Variants in KCTD7 observed in about 807,000 individuals in gnomAD.
KCTD7 encodes the protein BTB/POZ domain-containing protein KCTD7.
In KCTD7, 15 loss-of-function variants were observed where a neutral mutation model predicts 27.0. That is an observed-to-expected ratio of 0.56 (90% confidence interval 0.37 to 0.86). The LOEUF (loss-of-function observed/expected upper bound fraction) is 0.86, where lower values mean the gene tolerates loss of function less well. KCTD7 is among the 40% of genes least tolerant of loss of function. KCTD7 has a pLI of 0.00. For synonymous variants in KCTD7, 159 were observed against 162.7 expected (o/e 0.98, Z 0.17); for missense variants, 299 against 398.9 (o/e 0.75, Z 2.13).
At position 66,640,685 on chromosome 7, in the gene KCTD7, C is replaced by A. The variant is rs1786695130; in HGVS notation, c.*1453C>A. On this transcript the variant is annotated 3_prime_UTR_variant, in exon 4 of 4. Coordinates refer to ENST00000639828, the MANE Select transcript of KCTD7 (RefSeq NM_153033.5). ...GCTACTTGGGCACACGCCTGTAGTCCAGGCCACTCGAGCACACACCTGTAG... is the reference window on the plus strand; with the variant it reads ...GCTACTTGGGCACACGCCTGTAGTCAAGGCCACTCGAGCACACACCTGTAG... 1 of 1,271,418 alleles carries A rather than the reference C, an allele frequency of 7.9e-7. No homozygotes were observed. Among genetic ancestry groups the A allele is most frequent in the East Asian group, 3.6e-5 (1 of 27,832 alleles). The allele number at this position is 1,271,418 out of a possible 1,614,324, so 78.8% of individuals were successfully genotyped here.
At chr7:66,634,007 TTTTA>T (rs953301137) in intron 2 of KCTD7, among the ~76,000 whole-genome samples, 73 of 151,172 alleles carry the variant, frequency 4.8e-4, no homozygotes, top group African/African-American at 1.6e-3. Context: ...AAAATTTCAT[TTTTA>T]TTTATTTATT....
intron 1 of KCTD7, among the ~76,000 whole-genome samples, chr7:66,629,443 C>G (rs1260757813): frequency 6.6e-6 from 1 of 151,988 alleles, no homozygotes; most frequent in Non-Finnish European, 1.5e-5. Flanking sequence ...CCTACACCCT[C>G]CGCCCAGTAG....
At position 66,641,387 on chromosome 7, in the gene KCTD7, C is replaced by T. The variant is rs2116779646; in HGVS notation, c.*2155C>T. Reference sequence around the variant, plus strand: ...AGCCCATTGCTTTCAGTAATGTGGCCTTGACCCCTTCTGCTTCCCCCTTCT... The same window carrying T: ...AGCCCATTGCTTTCAGTAATGTGGCTTTGACCCCTTCTGCTTCCCCCTTCT... On this transcript the variant is annotated 3_prime_UTR_variant, in exon 4 of 4. Transcript: ENST00000639828. 3.0e-6 allele frequency: 3 copies of T among 985,394 alleles called. No individual in the cohort carries two copies. The highest frequency in any genetic ancestry group is 1.1e-4 in the East Asian group (1 of 8,814). The allele number at this position is 985,394 out of a possible 1,614,324, so 61.0% of individuals were successfully genotyped here. A position where few individuals can be genotyped will look rare whatever the true frequency, so the allele number is the denominator to read the frequency against.
rs1374175994 is a variant in KCTD7, at chr7:66,639,166, C to G, written c.804C>G (p.Asp268Glu). The G allele has an allele frequency of 2.5e-6, 4 of 1,614,110 alleles. No homozygotes were observed. The highest frequency in any genetic ancestry group is 3.4e-6 in the Non-Finnish European group (4 of 1,180,044). ...TVDHQCIGVC[D>E]KHLVNHYYCK... is the part of the protein sequence containing the mutation. ...ACCACCAGTGCATCGGGGTGTGTGACAAGCACCTCGTGAACCACTACTACT... is the reference window on the plus strand; with the variant it reads ...ACCACCAGTGCATCGGGGTGTGTGAGAAGCACCTCGTGAACCACTACTACT... The change falls in exon 4 of 4, where the codon GAC (aspartate) becomes GAG (glutamate). Residue 268 changes from aspartate (D) to glutamate (E), a missense_variant. Physicochemically the swap from Asp to Glu is conservative, Grantham distance 45. Coordinates refer to ENST00000639828, the MANE Select transcript of KCTD7 (RefSeq NM_153033.5).
intron 1 of KCTD7, among the ~76,000 whole-genome samples, chr7:66,631,492 C>G (rs1035969615): frequency 5.3e-5 from 8 of 151,726 alleles, no homozygotes; most frequent in Middle Eastern, 3.4e-3. Context: ...TCTCTTGAAC[C>G]CGGGAGGCAG....
chr7:66,637,305 T>TA (rs1786610190), intron 2 of KCTD7, among the ~76,000 whole-genome samples: 1 of 152,126 alleles, frequency 6.6e-6, no homozygotes, highest in Non-Finnish European at 1.5e-5. Flanking sequence ...AGGCTGGTCT[T>TA]AAACTCCTGA....
In KCTD7 at chr7:66,642,517, G is replaced by C; in HGVS notation, c.*3285G>C. The C allele has an allele frequency of 1.0e-6, 1 of 985,420 alleles. No individual in the cohort carries two copies. Among genetic ancestry groups the C allele is most frequent in the South Asian group, 4.7e-5 (1 of 21,284 alleles). 61.0% of individuals were successfully genotyped at this position (985,420 alleles called of 1,614,324 possible). A position where few individuals can be genotyped will look rare whatever the true frequency, so the allele number is the denominator to read the frequency against. Reference sequence around the variant, plus strand: ...TTGGTCTAAACCAGCTCTTGAACAGGTTAAAGCAAACAGCAATAACAAAAC... The same window carrying C: ...TTGGTCTAAACCAGCTCTTGAACAGCTTAAAGCAAACAGCAATAACAAAAC... On this transcript the variant is annotated 3_prime_UTR_variant, in exon 4 of 4. Coordinates refer to ENST00000639828, the MANE Select transcript of KCTD7 (RefSeq NM_153033.5).
At position 66,640,420 on chromosome 7, in the gene KCTD7, G is replaced by T; in HGVS notation, c.*1188G>T. 1 of 1,537,240 alleles carries T rather than the reference G, an allele frequency of 6.5e-7. No individual in the cohort carries two copies. Among genetic ancestry groups the T allele is most frequent in the Admixed American group, 2.0e-5 (1 of 51,004 alleles). On this transcript the variant is annotated 3_prime_UTR_variant, in exon 4 of 4. Transcript: ENST00000639828. ...AATTGAAAAAGATCCCCAAGGATCT[G>T]TTACTACTGCATTTCCTTCTTGCTC...
rs1455454574 is a variant in KCTD7 at position 66,640,518 on chromosome 7, G to C, written c.*1286G>C. ...AAAGGAAGAACTGTGTAGCACCATTGATCACAATGTAACATTTCCATGCTG... is the reference window on the plus strand; with the variant it reads ...AAAGGAAGAACTGTGTAGCACCATTCATCACAATGTAACATTTCCATGCTG... On this transcript the variant is annotated 3_prime_UTR_variant, in exon 4 of 4. Transcript: ENST00000639828. 6.6e-7 allele frequency: 1 copy of C among 1,510,788 alleles called. No homozygotes were observed. The highest frequency in any genetic ancestry group is 8.8e-7 in the Non-Finnish European group (1 of 1,134,608). 93.6% of individuals were successfully genotyped at this position (1,510,788 alleles called of 1,614,324 possible).
At position 66,638,926 on chromosome 7, in the gene KCTD7, C is replaced by G. The variant is rs769365291; in HGVS notation, c.564C>G (p.Leu188=). 1 of 1,614,180 alleles carries G rather than the reference C, an allele frequency of 6.2e-7. No homozygotes were observed. The highest frequency in any genetic ancestry group is 2.2e-5 in the East Asian group (1 of 44,886). ...AGCGGAAGGCCCGCTTTGCCAAGCT[C>G]AAGGTCTGTGTCTTCAAGGAGGAGA... ...AVQRKARFAK[L]KVCVFKEEMP... Residue 188 remains leucine (L), a synonymous_variant, in exon 4 of 4, where the codon CTC becomes CTG. Transcript: ENST00000639828.
Position 66,638,603 on chromosome 7 carries a change from C to T in KCTD7, c.493+172C>T, listed in dbSNP as rs541499610. On this transcript the variant is annotated intron_variant, in intron 3 of 3. Transcript: ENST00000639828. Reference sequence around the variant, plus strand: ...CTGGGGAGATTCAGGTTAAGGTGGGCCTACCTGGCCTATGACAGTTAGCAA... The same window carrying T: ...CTGGGGAGATTCAGGTTAAGGTGGGTCTACCTGGCCTATGACAGTTAGCAA... 111 of 824,340 alleles carry T rather than the reference C, an allele frequency of 1.3e-4. No individual in the cohort carries two copies. In the South Asian group the frequency reaches 1.4e-3, roughly 11 times the overall value. 51.1% of individuals were successfully genotyped at this position (824,340 alleles called of 1,614,324 possible).
In KCTD7 at chr7:66,642,471, T is replaced by C. The variant is rs1391032328; in HGVS notation, c.*3239T>C. On this transcript the variant is annotated 3_prime_UTR_variant, in exon 4 of 4. Coordinates refer to ENST00000639828, the MANE Select transcript of KCTD7 (RefSeq NM_153033.5). ...AGTGACATTTATAAGACACAGGCGG[T>C]GTGAGCATCCATGTGTGGTCTTGGT... The C allele has an allele frequency of 3.0e-6, 3 of 985,304 alleles. No homozygotes were observed. The highest frequency in any genetic ancestry group is 2.4e-6 in the Non-Finnish European group (2 of 829,940). The allele number at this position is 985,304 out of a possible 1,614,324, so 61.0% of individuals were successfully genotyped here. A position where few individuals can be genotyped will look rare whatever the true frequency, so the allele number is the denominator to read the frequency against.
At position 66,633,634 on chromosome 7, in the gene KCTD7, G is replaced by C. The variant is rs555702878; in HGVS notation, c.314+190G>C. 2.7e-5 allele frequency among the ~76,000 whole-genome samples: 4 copies of C among 149,902 alleles called. No individual in the cohort carries two copies. In the East Asian group the frequency reaches 7.8e-4, roughly 29 times the overall value. ...TTGCCAAAGGAGACAAAGACAGCCA[G>C]AGAAATTCGAAATAACACACTGGCT... On this transcript the variant is annotated intron_variant, in intron 2 of 3. Coordinates refer to ENST00000639828, the MANE Select transcript of KCTD7 (RefSeq NM_153033.5).
chr7:66,629,005 G>T lies in KCTD7; in HGVS notation c.-60G>T. Reference sequence around the variant, plus strand: ...GCCAGGCGCTGCTCGGCGGTAGGGAGTGCCCGGGGCCGCCGCCTCCGCCCG... The same window carrying T: ...GCCAGGCGCTGCTCGGCGGTAGGGATTGCCCGGGGCCGCCGCCTCCGCCCG... On this transcript the variant is annotated 5_prime_UTR_variant, in exon 1 of 4. Transcript: ENST00000639828. 6.8e-7 allele frequency: 1 copy of T among 1,462,798 alleles called. No individual in the cohort carries two copies. Among genetic ancestry groups the T allele is most frequent in the Non-Finnish European group, 9.1e-7 (1 of 1,101,346 alleles). 90.6% of individuals were successfully genotyped at this position (1,462,798 alleles called of 1,614,324 possible).
chr7:66,639,552 C>T lies in KCTD7; in HGVS notation c.*320C>T. 1 of 1,365,468 alleles carries T rather than the reference C, an allele frequency of 7.3e-7. No individual in the cohort carries two copies. The highest frequency in any genetic ancestry group is 1.5e-5 in the South Asian group (1 of 65,082). The allele number at this position is 1,365,468 out of a possible 1,614,324, so 84.6% of individuals were successfully genotyped here. A position where few individuals can be genotyped will look rare whatever the true frequency, so the allele number is the denominator to read the frequency against. The stretch of plus-strand genomic sequence containing the variant: ...CCGAGAAGTTTTGTCACCTTCTTGA[C>T]CTTGCAAGAGAGTTTCTGCCCATTT... On this transcript the variant is annotated 3_prime_UTR_variant, in exon 4 of 4. Transcript: ENST00000639828.
Position 66,633,354 on chromosome 7 carries a change from C to A in KCTD7, c.224C>A (p.Thr75Asn). ...RLSTLRCYED[T>N]MLAAMFSGRH... ...TCCACACTGCGGTGCTACGAAGACACCATGTTGGCAGCCATGTTCAGTGGG... is the reference window on the plus strand; with the variant it reads ...TCCACACTGCGGTGCTACGAAGACAACATGTTGGCAGCCATGTTCAGTGGG... Residue 75 changes from threonine to asparagine, a missense_variant, in exon 2 of 4, where the codon ACC becomes AAC. Physicochemically the swap from Thr to Asn is moderately conservative, Grantham distance 65. Transcript: ENST00000639828. The A allele has an allele frequency of 6.2e-7, 1 of 1,614,032 alleles. No individual in the cohort carries two copies. The highest frequency in any genetic ancestry group is 8.5e-7 in the Non-Finnish European group (1 of 1,179,934).
chr7:66,640,941 T>G lies in KCTD7; in HGVS notation c.*1709T>G. On this transcript the variant is annotated 3_prime_UTR_variant, in exon 4 of 4. Coordinates refer to ENST00000639828, the MANE Select transcript of KCTD7 (RefSeq NM_153033.5). ...AGGGGAGCTGAAGTCTGTGTTCATA[T>G]GAGGAAGAGAAGACCAAGCCCTGGG... 1.0e-6 allele frequency: 1 copy of G among 985,560 alleles called. No individual in the cohort carries two copies. The highest frequency in any genetic ancestry group is 1.2e-6 in the Non-Finnish European group (1 of 830,020). 61.1% of individuals were successfully genotyped at this position (985,560 alleles called of 1,614,324 possible).
chr7:66,638,299 C>T lies in KCTD7; in HGVS notation c.361C>T (p.Arg121Cys), dbSNP rs199604642. 8.9e-5 allele frequency: 143 copies of T among 1,614,090 alleles called. No individual in the cohort carries two copies. The highest frequency in any genetic ancestry group is 3.8e-4 in the Admixed American group (23 of 60,004). The part of the protein sequence containing the change: ...LRSGDLPPRE[R>C]VRAVYKEAQY... ...CTCAGGGGACCTCCCACCCAGGGAG[C>T]GTGTTCGAGCTGTGTACAAAGAGGC... Residue 121 changes from arginine to cysteine, a missense_variant, in exon 3 of 4, where the codon CGT becomes TGT. Physicochemically the swap from Arg to Cys is radical, Grantham distance 180. Coordinates refer to ENST00000639828, the MANE Select transcript of KCTD7 (RefSeq NM_153033.5).
At position 66,638,132 on chromosome 7, in the gene KCTD7, G is replaced by A. The variant is rs950904050; in HGVS notation, c.315-121G>A. ...GGAAACTGAGACATGGAGTAGTTAA[G>A]TTCATTTACCCAGTGTAACACAGCT... On this transcript the variant is annotated intron_variant, in intron 2 of 3. Coordinates refer to ENST00000639828, the MANE Select transcript of KCTD7 (RefSeq NM_153033.5). The A allele has an allele frequency of 1.1e-5, 11 of 1,002,702 alleles. No homozygotes were observed. The African/African-American group carries it at 1.7e-4, about 16-fold the overall frequency. The allele number at this position is 1,002,702 out of a possible 1,614,324, so 62.1% of individuals were successfully genotyped here. A position where few individuals can be genotyped will look rare whatever the true frequency, so the allele number is the denominator to read the frequency against.
Sources: gnomAD v4.1 joint callset for allele counts (sites outside exome capture counted in the v4.1 genomes callset) on GRCh38, gnomAD v4.1.1 for gene constraint, MANE v1.5 for transcripts, NCBI Gene and HGNC (gene_info 2026-07-23, HGNC 2026-07-21) for gene names.